SLC44A1: variants seen among roughly 807,000 people sequenced by gnomAD.
The protein encoded by SLC44A1 is solute carrier family 44 member 1.
In SLC44A1, 26 loss-of-function variants were observed where a neutral mutation model predicts 79.3. The ratio of observed to expected loss-of-function variants is 0.33; its 90% CI spans 0.24 to 0.46. The LOEUF (loss-of-function observed/expected upper bound fraction) is 0.46. SLC44A1 is among the 20% of genes least tolerant of loss of function. The pLI, the probability that SLC44A1 is intolerant of heterozygous loss-of-function variation, is 1.00. For synonymous variants in SLC44A1, 263 were observed against 286.2 expected (o/e 0.92, Z 0.82); for missense variants, 688 against 798.1 (o/e 0.86, Z 1.66).
In SLC44A1 at chr9:105,278,623, TACCCGC is replaced by T. The variant is rs560269911; in HGVS notation, c.37-20596_37-20591del. 1.1e-3 allele frequency among the ~76,000 whole-genome samples: 172 copies of T among 151,832 alleles called. 1 individual carries two copies. Among genetic ancestry groups the T allele is most frequent in the African/African-American group, 4.1e-3 (168 of 41,356 alleles). The stretch of plus-strand genomic sequence containing the variant: ...CTCGAACTCCTGACCTCAAATGATG[TACCCGC>T]TTCGGCCTCCCAAAGTCCTGGGATT... On this transcript the variant is annotated intron_variant, in intron 1 of 15. Transcript: ENST00000374720.
At chr9:105,287,739 T>C in intron 1 of SLC44A1, among the ~76,000 whole-genome samples, 1 of 152,200 alleles carries the variant, frequency 6.6e-6, no homozygotes, top group East Asian at 1.9e-4. Context: ...CAGGTTTGTG[T>C]TCCTTTCCCT....
At chr9:105,419,506 G>A (rs1829216213) in intron 15 of SLC44A1, among the ~76,000 whole-genome samples, 1 of 152,186 alleles carries the variant, frequency 6.6e-6, no homozygotes, top group African/African-American at 2.4e-5. Context: ...ATTCCGAGAA[G>A]CCTCTTATTT....
intron 2 of SLC44A1, 39 bp downstream of exon 2, chr9:105,299,348 G>A: frequency 1.5e-6 from 2 of 1,379,124 alleles, no homozygotes; most frequent in Non-Finnish European, 2.0e-6. Context: ...CTGGACTCAT[G>A]ATCCAAGGGA....
At chr9:105,347,670 T>C (rs1827282327) in intron 4 of SLC44A1, among the ~76,000 whole-genome samples, 1 of 152,070 alleles carries the variant, frequency 6.6e-6, no homozygotes, top group Non-Finnish European at 1.5e-5. Flanking sequence ...AAATTAATTT[T>C]TTTTTGCATA....
chr9:105,417,839 C>CAA (rs146589405), intron 15 of SLC44A1, among the ~76,000 whole-genome samples: 56 of 57,890 alleles, frequency 9.7e-4, no homozygotes, highest in East Asian at 1.6e-3. Flanking sequence ...CTCATCCCTA[C>CAA]AAAAAAAAAA....
intron 2 of SLC44A1, among the ~76,000 whole-genome samples, chr9:105,304,768 T>C (rs1188784533): frequency 1.2e-4 from 18 of 152,012 alleles, no homozygotes; most frequent in Admixed American, 1.2e-3. Context: ...TCAGTCTTCC[T>C]TGTCTGTGTT....
At chr9:105,269,154 G>A (rs981840700) in intron 1 of SLC44A1, among the ~76,000 whole-genome samples, 1 of 152,064 alleles carries the variant, frequency 6.6e-6, no homozygotes, top group African/African-American at 2.4e-5. Flanking sequence ...ATAAATTTAT[G>A]TCTGCATATT....
chr9:105,384,595 G>A (rs1828573972), intron 14 of SLC44A1, among the ~76,000 whole-genome samples: 1 of 152,010 alleles, frequency 6.6e-6, no homozygotes, highest in African/African-American at 2.4e-5. Context: ...TTTTCTTAAT[G>A]TCTAAACTAA....
At chr9:105,280,272 A>G (rs1055361216) in intron 1 of SLC44A1, among the ~76,000 whole-genome samples, 1 of 152,202 alleles carries the variant, frequency 6.6e-6, no homozygotes, top group Non-Finnish European at 1.5e-5. Flanking sequence ...TTGGAGGTAG[A>G]GTATAGGATT....
intron 15 of SLC44A1, among the ~76,000 whole-genome samples, chr9:105,431,347 G>A (rs1169547193): frequency 6.6e-6 from 1 of 152,198 alleles, no homozygotes; most frequent in Admixed American, 6.5e-5. Flanking sequence ...TTTTCCAAAT[G>A]AATGGTCTTG....
intron 15 of SLC44A1, among the ~76,000 whole-genome samples, chr9:105,402,975 C>CTTTTTT (rs780060821): frequency 1.4e-4 from 9 of 66,366 alleles, no homozygotes; most frequent in African/African-American, 3.0e-4. Context: ...TCACACCCAG[C>CTTTTTT]TTTTTTTTTT....
chr9:105,358,445 A>T lies in SLC44A1; in HGVS notation c.760+12A>T. 6.8e-7 allele frequency: 1 copy of T among 1,464,448 alleles called. No individual in the cohort carries two copies. Among genetic ancestry groups the T allele is most frequent in the Non-Finnish European group, 9.6e-7 (1 of 1,045,682 alleles). The allele number at this position is 1,464,448 out of a possible 1,614,324, so 90.7% of individuals were successfully genotyped here. ...ACTCGGTTCACTTGGTAAGCTATTT[A>T]TTTCTTTGTTTTCTACCTCAGCCTC... On this transcript the variant is annotated intron_variant, in intron 7 of 15. Transcript: ENST00000374720.
At chr9:105,305,636 G>C (rs1292471752) in intron 2 of SLC44A1, among the ~76,000 whole-genome samples, 2 of 152,068 alleles carry the variant, frequency 1.3e-5, no homozygotes, top group African/African-American at 2.4e-5. Context: ...AATTCCACAG[G>C]AGAGGGCTTT....
rs376729977 is a variant in SLC44A1 at position 105,335,657 on chromosome 9, C to A, written c.364C>A (p.Leu122Met). Residue 122 changes from leucine to methionine, a missense_variant, in exon 4 of 16, where the codon CTG becomes ATG. By Grantham distance (15) the Leu-to-Met change is conservative. Transcript: ENST00000374720. ...TGTAGCAGCGTGTCCAAGGCAAGAA[C>A]TGAAAACTCTGAGTGATGTTCAGAA... ...LCVAACPRQE[L>M]KTLSDVQKFA... The A allele has an allele frequency of 1.2e-6, 2 of 1,613,672 alleles. No individual in the cohort carries two copies. Among genetic ancestry groups the A allele is most frequent in the East Asian group, 2.2e-5 (1 of 44,866 alleles).
intron 1 of SLC44A1, among the ~76,000 whole-genome samples, chr9:105,275,268 T>C (rs1830172658): frequency 6.6e-6 from 1 of 152,222 alleles, no homozygotes; most frequent in South Asian, 2.1e-4. Context: ...GCTTTGATTT[T>C]AGCTCTTTCA....
chr9:105,396,322 GA>G lies in SLC44A1; in HGVS notation c.*7273del, dbSNP rs909321964. On this transcript the variant is annotated 3_prime_UTR_variant, in exon 16 of 16. Transcript: ENST00000374720. ...GTTATTAACTGATTTTATTACAGGA[GA>G]AAAAAACTTTAACAAAAAGGCAGGG... The G allele has an allele frequency of 3.0e-6, 3 of 985,084 alleles. No homozygotes were observed. Among genetic ancestry groups the G allele is most frequent in the African/African-American group, 1.7e-5 (1 of 57,202 alleles). The allele number at this position is 985,084 out of a possible 1,614,324, so 61.0% of individuals were successfully genotyped here.
At chr9:105,279,831 A>C (rs1830309137) in intron 1 of SLC44A1, among the ~76,000 whole-genome samples, 1 of 152,202 alleles carries the variant, frequency 6.6e-6, no homozygotes, top group South Asian at 2.1e-4. Flanking sequence ...AAAAAAAGAA[A>C]ATCAACTAAA....
At chr9:105,371,378 A>G (rs1325654126) in intron 12 of SLC44A1, among the ~76,000 whole-genome samples, 1 of 152,240 alleles carries the variant, frequency 6.6e-6, no homozygotes. Context: ...GAAAGCAGCC[A>G]TAGACAATAT....
At chr9:105,400,290 A>ACCGT (rs1240882289), downstream of SLC44A1, among the ~76,000 whole-genome samples, 12 of 152,104 alleles carry the variant, frequency 7.9e-5, no homozygotes, top group African/African-American at 2.9e-4. Context: ...AAAGATCGAG[A>ACCGT]CCGTCCTGGC....
Sources: allele counts gnomAD v4.1 joint callset (sites outside exome capture counted in the v4.1 genomes callset), GRCh38; gene constraint gnomAD v4.1.1; transcripts MANE v1.5; gene names NCBI Gene and HGNC (gene_info 2026-07-23, HGNC 2026-07-21).